The following PTPRK variants were observed in gnomAD, a reference collection of about 807,000 sequenced individuals.
PTPRK encodes receptor-type tyrosine-protein phosphatase kappa.
In PTPRK, 75 loss-of-function variants were observed where a neutral mutation model predicts 178.0. That is an observed-to-expected ratio of 0.42 (90% CI 0.35 to 0.51). PTPRK has a LOEUF of 0.51. Among genes scored for constraint, PTPRK ranks in the 20% least tolerant of loss-of-function variants. The probability of loss-of-function intolerance (pLI) is 0.02; values close to 1 mark genes in which losing one functional copy is unlikely to be tolerated. For missense variants in PTPRK, 1,441 were observed against 1,797.8 expected (o/e 0.80, Z 3.59); for synonymous variants, 637 against 620.6 (o/e 1.03, Z -0.39).
intron 17 of PTPRK, among the ~76,000 whole-genome samples, chr6:127,996,639 T>C (rs1777183915): frequency 6.6e-6 from 1 of 152,212 alleles, no homozygotes; most frequent in Middle Eastern, 3.4e-3. Context: ...GCCAGCTGAT[T>C]TTTGTATTTT....
At chr6:128,472,430 C>CA (rs1554274582) in intron 1 of PTPRK, among the ~76,000 whole-genome samples, 4 of 146,932 alleles carry the variant, frequency 2.7e-5, no homozygotes, top group African/African-American at 1.0e-4. Context: ...ACCCCCCCCC[C>CA]CTTTAGCTTA....
chr6:128,088,115 C>T (rs1392936009), intron 8 of PTPRK, among the ~76,000 whole-genome samples: 5 of 152,034 alleles, frequency 3.3e-5, no homozygotes, highest in East Asian at 1.9e-4. Flanking sequence ...CAGTGGCTCA[C>T]GCCTGTAACC....
intron 2 of PTPRK, among the ~76,000 whole-genome samples, chr6:128,338,819 G>A (rs1831288788): frequency 6.6e-6 from 1 of 152,048 alleles, no homozygotes; most frequent in Admixed American, 6.6e-5. Context: ...ACTTCTTTCT[G>A]GGGCTATAAA....
intron 7 of PTPRK, among the ~76,000 whole-genome samples, chr6:128,172,263 AGAT>A (rs1800376319): frequency 6.6e-6 from 1 of 151,998 alleles, no homozygotes. Flanking sequence ...CATCTTCTTC[AGAT>A]GATATTTGTA....
At chr6:128,305,968 G>T (rs545856462) in intron 3 of PTPRK, among the ~76,000 whole-genome samples, 2 of 152,218 alleles carry the variant, frequency 1.3e-5, no homozygotes, top group African/African-American at 4.8e-5. Context: ...AGGCAAAGGC[G>T]AAGCAGATAT....
At chr6:128,435,020 G>A (rs1210857283) in intron 1 of PTPRK, among the ~76,000 whole-genome samples, 7 of 134,836 alleles carry the variant, frequency 5.2e-5, no homozygotes, top group Non-Finnish European at 1.1e-4. Context: ...AAGGCAAGAA[G>A]GAAGTAAGAC....
chr6:128,300,715 TG>T (rs1298897423), intron 3 of PTPRK, among the ~76,000 whole-genome samples: 1 of 42,550 alleles, frequency 2.4e-5, no homozygotes, highest in South Asian at 9.2e-4. Context: ...TGTTGTGGGG[TG>T]GGGGGAGGGG....
intron 13 of PTPRK, among the ~76,000 whole-genome samples, chr6:128,039,391 T>C (rs1051929946): frequency 6.6e-6 from 1 of 152,178 alleles, no homozygotes; most frequent in African/African-American, 2.4e-5. Context: ...AGATAGGGTC[T>C]ATGTTCATAA....
intron 1 of PTPRK, among the ~76,000 whole-genome samples, chr6:128,480,350 T>C (rs1455666522): frequency 2.0e-5 from 3 of 152,120 alleles, no homozygotes; most frequent in African/African-American, 2.4e-5. Flanking sequence ...GTTCCTAAAT[T>C]CCCTGTAATC....
intron 5 of PTPRK, among the ~76,000 whole-genome samples, chr6:128,221,947 C>G (rs944601109): frequency 6.6e-6 from 1 of 152,046 alleles, no homozygotes; most frequent in Non-Finnish European, 1.5e-5. Flanking sequence ...CATTTCCATA[C>G]AATCTTCCTA....
At chr6:128,479,652 C>G (rs117719926) in intron 1 of PTPRK, among the ~76,000 whole-genome samples, 2,521 of 152,062 alleles carry the variant, frequency 0.017, 30 homozygotes, top group Non-Finnish European at 0.027. Flanking sequence ...AGATGGTAAA[C>G]CAGTATAGGT....
chr6:127,982,588 T>C (rs1354398655), intron 24 of PTPRK, among the ~76,000 whole-genome samples: 2 of 152,202 alleles, frequency 1.3e-5, no homozygotes, highest in Admixed American at 6.5e-5. Context: ...TTTTGACTTT[T>C]ATGATACCTT....
At chr6:128,359,541 C>T (rs1022924811) in intron 2 of PTPRK, among the ~76,000 whole-genome samples, 12 of 151,940 alleles carry the variant, frequency 7.9e-5, no homozygotes, top group Non-Finnish European at 2.9e-5. Flanking sequence ...CACCTGAGGT[C>T]AGGAGCCCGG....
chr6:128,012,706 CTTAAAAATGAAATAGCT>C lies in PTPRK; in HGVS notation c.2195-3455_2195-3439del, dbSNP rs533313533. 1.3e-4 allele frequency among the ~76,000 whole-genome samples: 19 copies of C among 151,386 alleles called. No homozygotes were observed. The East Asian group carries it at 3.3e-3, about 26-fold the overall frequency. On this transcript the variant is annotated intron_variant, in intron 13 of 29. Transcript: ENST00000368226. ...ATCAATTGTGTCCTTGCTCCCACTA[CTTAAAAATGAAATAGCT>C]TTAAAGTCACACAAATTTACCTAAA...
intron 13 of PTPRK, among the ~76,000 whole-genome samples, chr6:128,033,378 G>T (rs913733107): frequency 1.3e-5 from 2 of 152,202 alleles, no homozygotes; most frequent in African/African-American, 4.8e-5. Context: ...ATTCCAAAGA[G>T]TTTAGGACTA....
At chr6:128,385,177 G>C (rs1838523567) in intron 2 of PTPRK, among the ~76,000 whole-genome samples, 1 of 151,054 alleles carries the variant, frequency 6.6e-6, no homozygotes, top group African/African-American at 2.4e-5. Context: ...CCAATCTCCT[G>C]TGATAACACT....
chr6:128,173,154 T>C (rs1204932993), intron 7 of PTPRK, among the ~76,000 whole-genome samples: 1 of 152,034 alleles, frequency 6.6e-6, no homozygotes, highest in Non-Finnish European at 1.5e-5. Context: ...CTACCCATTC[T>C]GGGGAACAAT....
At chr6:128,144,288 C>G (rs1796174453) in intron 7 of PTPRK, among the ~76,000 whole-genome samples, 1 of 152,172 alleles carries the variant, frequency 6.6e-6, no homozygotes, top group East Asian at 1.9e-4. Flanking sequence ...ATAAAAAAGA[C>G]ATGCAACTCA....
At chr6:128,414,091 C>T (rs1202189784) in intron 1 of PTPRK, among the ~76,000 whole-genome samples, 1 of 152,144 alleles carries the variant, frequency 6.6e-6, no homozygotes. Flanking sequence ...CCCTGTGATA[C>T]TCCCCAAACT....
Sources: gnomAD v4.1 joint callset for allele counts (sites outside exome capture counted in the v4.1 genomes callset) on GRCh38, gnomAD v4.1.1 for gene constraint, MANE v1.5 for transcripts, NCBI Gene and HGNC (gene_info 2026-07-23, HGNC 2026-07-21) for gene names.